Variants in ST8SIA5 observed in about 807,000 individuals in gnomAD.
ST8SIA5 encodes alpha-2,8-sialyltransferase 8E.
In ST8SIA5, 24 loss-of-function variants were observed where a neutral mutation model predicts 40.2. The ratio of observed to expected loss-of-function variants is 0.60; its 90% CI spans 0.43 to 0.84. ST8SIA5 has a LOEUF of 0.84. Among genes scored for constraint, ST8SIA5 ranks in the 40% least tolerant of loss-of-function variants. The pLI is 0.00. For synonymous variants in ST8SIA5, 198 were observed against 201.8 expected (o/e 0.98, Z 0.16); for missense variants, 465 against 498.5 (o/e 0.93, Z 0.64).
intron 1 of ST8SIA5, among the ~76,000 whole-genome samples, chr18:46,723,890 C>T (rs2039888184): frequency 6.6e-6 from 1 of 151,850 alleles, no homozygotes; most frequent in South Asian, 2.1e-4. Context: ...CGTGCCATTG[C>T]ACTCCAGCCT....
intron 5 of ST8SIA5, among the ~76,000 whole-genome samples, chr18:46,685,083 A>G (rs911059683): frequency 6.6e-6 from 1 of 152,192 alleles, no homozygotes; most frequent in Non-Finnish European, 1.5e-5. Context: ...ATTTAATCCT[A>G]TAACTGATGG....
chr18:46,750,757 T>C (rs1850971817), intron 1 of ST8SIA5, among the ~76,000 whole-genome samples: 1 of 152,102 alleles, frequency 6.6e-6, no homozygotes, highest in South Asian at 2.1e-4. Flanking sequence ...GAGCCAGCTC[T>C]CCTCTCTCGA....
rs765658724 is a variant in ST8SIA5 at position 46,672,559 on chromosome 18, T to C, written c.*7483A>G. On this transcript the variant is annotated 3_prime_UTR_variant, in exon 7 of 7. Coordinates refer to ENST00000315087, the MANE Select transcript of ST8SIA5 (RefSeq NM_013305.6). ...GAGAGTCACTGATTTCTGGCTTTTGTGGCCAACAGCTAAGTCATGGAAGTG... is the reference window on the plus strand; with the variant it reads ...GAGAGTCACTGATTTCTGGCTTTTGCGGCCAACAGCTAAGTCATGGAAGTG... 11 of 152,076 alleles carry C rather than the reference T, an allele frequency of 7.2e-5. No homozygotes were observed. The highest frequency in any genetic ancestry group is 2.6e-4 in the Admixed American group (4 of 15,282). The allele number at this position is 152,076 out of a possible 1,614,324, so 9.4% of individuals were successfully genotyped here.
intron 1 of ST8SIA5, among the ~76,000 whole-genome samples, chr18:46,719,929 C>CAGTGAG (rs1350840110): frequency 2.6e-5 from 4 of 151,644 alleles, no homozygotes; most frequent in Non-Finnish European, 5.9e-5. Context: ...GCCTCTGCCT[C>CAGTGAG]CCAGGTTCAA....
Position 46,756,381 on chromosome 18 carries a change from T to C in ST8SIA5, c.128A>G (p.Lys43Arg), listed in dbSNP as rs1376533173. 6.2e-7 allele frequency: 1 copy of C among 1,612,190 alleles called. No individual in the cohort carries two copies. Among genetic ancestry groups the C allele is most frequent in the Non-Finnish European group, 8.5e-7 (1 of 1,178,828 alleles). The stretch of plus-strand genomic sequence containing the variant: ...CCCTCTCAATGGACTTTCTTACCTC[T>C]TAATGTAGTTCCTGCCATACAGGAT... ...QQILYGRNYIKRYFEFYEGPF... is the reference protein window; with the variant it reads ...QQILYGRNYIRRYFEFYEGPF... The change falls in exon 1 of 7, where the codon AAG becomes AGG. Residue 43 changes from lysine (K) to arginine (R), a missense_variant. By Grantham distance (26) the Lys-to-Arg change is conservative. Coordinates refer to ENST00000315087, the MANE Select transcript of ST8SIA5 (RefSeq NM_013305.6).
At chr18:46,728,724 C>T (rs9955883) in intron 1 of ST8SIA5, among the ~76,000 whole-genome samples, 79,309 of 152,038 alleles carry the variant, frequency 0.52, 21,502 homozygotes, top group Non-Finnish European at 0.61. Flanking sequence ...GAGGCCCCCC[C>T]ACATGCTCTG....
intron 2 of ST8SIA5, among the ~76,000 whole-genome samples, chr18:46,698,126 C>T (rs1046491001): frequency 2.6e-5 from 4 of 151,902 alleles, no homozygotes; most frequent in African/African-American, 9.7e-5. Context: ...AACAACCCAA[C>T]ACACCAGCAA....
intron 2 of ST8SIA5, among the ~76,000 whole-genome samples, chr18:46,695,625 G>GC (rs1419884364): frequency 6.6e-6 from 1 of 152,182 alleles, no homozygotes; most frequent in Non-Finnish European, 1.5e-5. Flanking sequence ...CTCACTCACA[G>GC]CCCCCTGTAC....
chr18:46,669,085 G>A lies in ST8SIA5; in HGVS notation c.*10957C>T, dbSNP rs1361067892. On this transcript the variant is annotated 3_prime_UTR_variant, in exon 7 of 7. Coordinates refer to ENST00000315087, the MANE Select transcript of ST8SIA5 (RefSeq NM_013305.6). ...TAGGTTCAGCCACCCAAGGCTGCTGGTTCGGGTGCCCTGAGCTTGGCCCCC... is the reference window on the plus strand; with the variant it reads ...TAGGTTCAGCCACCCAAGGCTGCTGATTCGGGTGCCCTGAGCTTGGCCCCC... The A allele has an allele frequency of 6.6e-6, 1 of 152,634 alleles. No individual in the cohort carries two copies. Among genetic ancestry groups the A allele is most frequent in the Non-Finnish European group, 1.5e-5 (1 of 68,358 alleles). The allele number at this position is 152,634 out of a possible 1,614,324, so 9.5% of individuals were successfully genotyped here. A position where few individuals can be genotyped will look rare whatever the true frequency, so the allele number is the denominator to read the frequency against.
At chr18:46,688,037 A>G (rs1222656574) in intron 4 of ST8SIA5, among the ~76,000 whole-genome samples, 2 of 152,198 alleles carry the variant, frequency 1.3e-5, no homozygotes, top group Non-Finnish European at 2.9e-5. Context: ...GCTCAGCATC[A>G]GTGATCTGAA....
chr18:46,683,108 A>C (rs1398587606), intron 5 of ST8SIA5, among the ~76,000 whole-genome samples: 1 of 152,180 alleles, frequency 6.6e-6, no homozygotes, highest in African/African-American at 2.4e-5. Flanking sequence ...TCAGGGGTAC[A>C]TCTACATATG....
chr18:46,679,554 T>G lies in ST8SIA5; in HGVS notation c.*488A>C, dbSNP rs2039365299. ...ATTTAGATAGCAATTCATAGCTAAG[T>G]CTTCGATATAAAACACAGGAACCAA... On this transcript the variant is annotated 3_prime_UTR_variant, in exon 7 of 7. Transcript: ENST00000315087. The G allele has an allele frequency of 6.1e-6, 1 of 164,754 alleles. No individual in the cohort carries two copies. The highest frequency in any genetic ancestry group is 1.3e-5 in the Non-Finnish European group (1 of 74,906). 10.2% of individuals were successfully genotyped at this position (164,754 alleles called of 1,614,324 possible). A position where few individuals can be genotyped will look rare whatever the true frequency, so the allele number is the denominator to read the frequency against.
chr18:46,723,142 C>T, intron 1 of ST8SIA5: 1 of 164,248 alleles, frequency 6.1e-6, no homozygotes, highest in East Asian at 1.6e-4. Context: ...ATCCAGAGGG[C>T]CATTCGCAGG....
Position 46,674,747 on chromosome 18 carries a change from G to C in ST8SIA5, c.*5295C>G, listed in dbSNP as rs1354479471. 6.6e-6 allele frequency: 1 copy of C among 152,590 alleles called. No homozygotes were observed. Among genetic ancestry groups the C allele is most frequent in the South Asian group, 2.1e-4 (1 of 4,830 alleles). 9.5% of individuals were successfully genotyped at this position (152,590 alleles called of 1,614,324 possible). A position where few individuals can be genotyped will look rare whatever the true frequency, so the allele number is the denominator to read the frequency against. On this transcript the variant is annotated 3_prime_UTR_variant, in exon 7 of 7. Transcript: ENST00000315087. ...GGTTGCAGCAGAAGCACAGAGGAGAGAGTGCCCAGCCCAGGTCTCTAGAGG... is the reference window on the plus strand; with the variant it reads ...GGTTGCAGCAGAAGCACAGAGGAGACAGTGCCCAGCCCAGGTCTCTAGAGG...
rs2040065420 is a variant in ST8SIA5 at position 46,739,266 on chromosome 18, G to T, written c.131+17112C>A. Among the ~76,000 whole-genome samples the T allele has an allele frequency of 2.6e-5, 4 of 152,232 alleles. No individual in the cohort carries two copies. In the South Asian group the frequency reaches 8.3e-4, roughly 32 times the overall value. On this transcript the variant is annotated intron_variant, in intron 1 of 6. Coordinates refer to ENST00000315087, the MANE Select transcript of ST8SIA5 (RefSeq NM_013305.6). The stretch of plus-strand genomic sequence containing the variant: ...GCGTAAAAGACCCTTCACTGGCCGG[G>T]TGTGGTGGCTCATGCCTGTAATCCC...
At chr18:46,756,018 C>T (rs1043643846) in intron 1 of ST8SIA5, among the ~76,000 whole-genome samples, 4 of 152,352 alleles carry the variant, frequency 2.6e-5, no homozygotes, top group African/African-American at 9.6e-5. Context: ...CCCTCCGACC[C>T]CGGAGTCCAA....
At chr18:46,698,182 TC>T (rs1301090005) in intron 2 of ST8SIA5, among the ~76,000 whole-genome samples, 2 of 110,964 alleles carry the variant, frequency 1.8e-5, no homozygotes, top group Non-Finnish European at 3.6e-5. Flanking sequence ...ACAACAATAA[TC>T]CAATAACTCA....
intron 1 of ST8SIA5, among the ~76,000 whole-genome samples, chr18:46,714,587 C>T (rs1170220745): frequency 6.6e-6 from 1 of 152,112 alleles, no homozygotes; most frequent in African/African-American, 2.4e-5. Context: ...GGAAAGCAGA[C>T]AAGGCCCAGG....
At chr18:46,742,943 C>A (rs2040101733) in intron 1 of ST8SIA5, among the ~76,000 whole-genome samples, 1 of 152,216 alleles carries the variant, frequency 6.6e-6, no homozygotes, top group Non-Finnish European at 1.5e-5. Context: ...TGGAGTGGAC[C>A]TCCAGGAAAC....
Sources: allele counts gnomAD v4.1 joint callset (sites outside exome capture counted in the v4.1 genomes callset), GRCh38; gene constraint gnomAD v4.1.1; transcripts MANE v1.5; gene names NCBI Gene and HGNC (gene_info 2026-07-23, HGNC 2026-07-21).